Variants in RGL1 observed in about 807,000 individuals in gnomAD.
RGL1 encodes ral guanine nucleotide dissociation stimulator like 1.
RGL1 carries 24 observed loss-of-function variants against 95.2 expected under a neutral mutation model. The observed-to-expected ratio is 0.25, with a 90% confidence interval of 0.18 to 0.35. RGL1 has a LOEUF of 0.35. Ranked by LOEUF, RGL1 falls within the 10% of genes least tolerant of loss-of-function variation. The pLI is 1.00. For synonymous variants in RGL1, 329 were observed against 344.9 expected, an observed-to-expected ratio of 0.95 and a Z score of 0.51; for missense variants, 715 against 936.3, an observed-to-expected ratio of 0.76 and a Z score of 3.08.
At chr1:183,878,560 A>C (rs994880205) in intron 4 of RGL1, among the ~76,000 whole-genome samples, 23 of 152,202 alleles carry the variant, frequency 1.5e-4, no homozygotes, top group Middle Eastern at 3.2e-3. Context: ...ATATATTCTA[A>C]CAGTTAACAA....
At chr1:183,763,514 C>T (rs1658812873) in intron 2 of RGL1, among the ~76,000 whole-genome samples, 1 of 152,180 alleles carries the variant, frequency 6.6e-6, no homozygotes. Context: ...AGGGCAGGGC[C>T]TCTGTCATAA....
intron 2 of RGL1, among the ~76,000 whole-genome samples, chr1:183,822,980 A>T (rs904078793): frequency 6.6e-6 from 1 of 152,212 alleles, no homozygotes; most frequent in Non-Finnish European, 1.5e-5. Flanking sequence ...ATCGCCAGAC[A>T]TCACTCAAAT....
intron 2 of RGL1, among the ~76,000 whole-genome samples, chr1:183,792,880 G>A (rs1660504553): frequency 6.6e-6 from 1 of 152,012 alleles, no homozygotes; most frequent in African/African-American, 2.4e-5. Flanking sequence ...ACTACCCAAA[G>A]CAATTTATAG....
chr1:183,648,841 A>G lies in RGL1; in HGVS notation c.-33+12340A>G, dbSNP rs1378218824. Reference sequence around the variant, plus strand: ...ACAAGGAAGAGAAATTACATATAAAACCAGCGCAGGAAAAACTGAAGACAG... The same window carrying G: ...ACAAGGAAGAGAAATTACATATAAAGCCAGCGCAGGAAAAACTGAAGACAG... On this transcript the variant is annotated intron_variant, in intron 1 of 18. Coordinates refer to the RGL1 transcript ENST00000304685. 8 of 1,377,492 alleles carry G rather than the reference A, an allele frequency of 5.8e-6. No individual in the cohort carries two copies. In the African/African-American group the frequency reaches 1.2e-4, roughly 20 times the overall value. The allele number at this position is 1,377,492 out of a possible 1,614,324, so 85.3% of individuals were successfully genotyped here.
At chr1:183,900,327 G>T in intron 11 of RGL1, 91 bp downstream of exon 11, 1 of 987,082 alleles carries the variant, frequency 1.0e-6, no homozygotes, top group East Asian at 2.4e-5. Context: ...TCTTTTGAAG[G>T]TCCAAAAGTA....
intron 4 of RGL1, among the ~76,000 whole-genome samples, chr1:183,867,014 A>C (rs1202143931): frequency 6.6e-6 from 1 of 152,214 alleles, no homozygotes; most frequent in East Asian, 1.9e-4. Flanking sequence ...CGGTTTGAGC[A>C]GCGGAGAGAC....
chr1:183,661,371 G>A (rs949069509), intron 1 of RGL1, among the ~76,000 whole-genome samples: 2 of 152,036 alleles, frequency 1.3e-5, no homozygotes, highest in African/African-American at 4.8e-5. Flanking sequence ...AATGATAAAG[G>A]GGATATCACC....
At chr1:183,911,543 A>G (rs1360076912) in intron 14 of RGL1, among the ~76,000 whole-genome samples, 1 of 152,206 alleles carries the variant, frequency 6.6e-6, no homozygotes, top group Non-Finnish European at 1.5e-5. Flanking sequence ...TCTGGTTTTC[A>G]GTTCCTTTTT....
rs200239538 is a variant in RGL1, at chr1:183,659,211, G to T, written c.-33+22710G>T. Among the ~76,000 whole-genome samples the T allele has an allele frequency of 5.3e-5, 8 of 152,252 alleles. No individual in the cohort carries two copies. In the East Asian group the frequency reaches 1.5e-3, roughly 29 times the overall value. ...AATGGAACAAAGCTGGACGGAGAAT[G>T]ACTTTGACGAATTGAGAGAAGAAGG... On this transcript the variant is annotated intron_variant, in intron 1 of 18. Coordinates refer to the RGL1 transcript ENST00000304685.
intron 3 of RGL1, among the ~76,000 whole-genome samples, chr1:183,865,681 T>G (rs760309847): frequency 5.9e-5 from 9 of 152,184 alleles, no homozygotes; most frequent in Non-Finnish European, 1.2e-4. Flanking sequence ...CTTCTTCGTA[T>G]TATGTAATAG....
At chr1:183,864,746 A>G (rs1417296623) in intron 3 of RGL1, among the ~76,000 whole-genome samples, 1 of 152,218 alleles carries the variant, frequency 6.6e-6, no homozygotes, top group African/African-American at 2.4e-5. Flanking sequence ...CAAGAAATCC[A>G]TAAGGCTGAT....
intron 9 of RGL1, among the ~76,000 whole-genome samples, chr1:183,897,570 G>T (rs1476948076): frequency 6.6e-6 from 1 of 151,514 alleles, no homozygotes; most frequent in African/African-American, 2.4e-5. Context: ...AAACAAAGTT[G>T]GGGGAAGAAC....
intron 1 of RGL1, among the ~76,000 whole-genome samples, chr1:183,730,743 A>T (rs1282454681): frequency 6.6e-6 from 1 of 152,134 alleles, no homozygotes; most frequent in African/African-American, 2.4e-5. Context: ...AAGGAGGGAG[A>T]GATTTAATCA....
intron 1 of RGL1, among the ~76,000 whole-genome samples, chr1:183,662,277 G>T (rs1184870720): frequency 6.6e-6 from 1 of 150,770 alleles, no homozygotes; most frequent in Non-Finnish European, 1.5e-5. Flanking sequence ...AATTGTCCCT[G>T]TTTGCAGATG....
intron 12 of RGL1, among the ~76,000 whole-genome samples, chr1:183,903,567 G>T (rs1050132045): frequency 4.1e-4 from 62 of 152,104 alleles, no homozygotes; most frequent in African/African-American, 1.4e-3. Flanking sequence ...CATGGGGGGG[G>T]TTTGGGAATT....
At chr1:183,894,785 CTCT>C (rs1667598986) in intron 9 of RGL1, among the ~76,000 whole-genome samples, 1 of 152,166 alleles carries the variant, frequency 6.6e-6, no homozygotes. Flanking sequence ...GACCTAACTT[CTCT>C]TCTTCTGGGA....
intron 15 of RGL1, among the ~76,000 whole-genome samples, chr1:183,913,287 C>A (rs774703981): frequency 2.8e-4 from 37 of 130,306 alleles, no homozygotes; most frequent in South Asian, 7.7e-4. Flanking sequence ...CCTCTGTCTT[C>A]TGGGTTCAGG....
intron 1 of RGL1, among the ~76,000 whole-genome samples, chr1:183,696,735 A>G (rs989744178): frequency 3.3e-5 from 5 of 152,188 alleles, no homozygotes; most frequent in African/African-American, 1.2e-4. Flanking sequence ...TGTTCCACTC[A>G]GAGTTGTCAT....
intron 1 of RGL1, among the ~76,000 whole-genome samples, chr1:183,700,105 C>T (rs1489045270): frequency 6.6e-6 from 1 of 152,174 alleles, no homozygotes; most frequent in East Asian, 1.9e-4. Context: ...TCTAATCCCT[C>T]TTCCCACTCC....
Sources: gnomAD v4.1 joint callset for allele counts (sites outside exome capture counted in the v4.1 genomes callset) on GRCh38, gnomAD v4.1.1 for gene constraint, MANE v1.5 for transcripts, NCBI Gene and HGNC (gene_info 2026-07-23, HGNC 2026-07-21) for gene names.